PIK3C2G: variants seen among roughly 807,000 people sequenced by gnomAD.
PIK3C2G encodes phosphatidylinositol 3-kinase C2 domain-containing subunit gamma.
Under a neutral mutation model 181.1 loss-of-function variants are expected in PIK3C2G, and 168 were observed. The observed-to-expected ratio is 0.93, with a 90% CI of 0.82 to 1.05. The LOEUF (loss-of-function observed/expected upper bound fraction) is 1.05. PIK3C2G is among the 50% of genes least tolerant of loss of function. PIK3C2G has a pLI of 0.00. For synonymous variants in PIK3C2G, 573 were observed against 592.2 expected (o/e 0.97, Z 0.47); for missense variants, 1,869 against 1,732.8 (o/e 1.08, Z -1.40).
intron 24 of PIK3C2G, among the ~76,000 whole-genome samples, chr12:18,530,631 T>G (rs1471506085): frequency 6.6e-6 from 1 of 152,168 alleles, no homozygotes; most frequent in Non-Finnish European, 1.5e-5. Flanking sequence ...AATCTCACGT[T>G]GAATTGTAAT....
intron 1 of PIK3C2G, among the ~76,000 whole-genome samples, chr12:18,266,445 G>A (rs778808668): frequency 2.6e-5 from 4 of 152,058 alleles, no homozygotes; most frequent in African/African-American, 4.8e-5. Flanking sequence ...TCATTAATAC[G>A]GAGTAAATTT....
Position 18,558,259 on chromosome 12 carries a change from T to C in PIK3C2G, c.3591-4444T>C, listed in dbSNP as rs1001090156. ...TAAACAGTAAAGAAAAAAATGTCTT[T>C]GCAAGTTAAAAAATTGTTACATTAA... On this transcript the variant is annotated intron_variant, in intron 26 of 32. Transcript: ENST00000538779. Among the ~76,000 whole-genome samples, 4 of 152,292 alleles carry C rather than the reference T, an allele frequency of 2.6e-5. No homozygotes were observed. In the South Asian group the frequency reaches 8.3e-4, roughly 32 times the overall value.
At chr12:18,662,619 A>G in the PIK3C2G span, among the ~76,000 whole-genome samples, 2 of 152,146 alleles carry the variant, frequency 1.3e-5, no homozygotes, top group Non-Finnish European at 2.9e-5. Flanking sequence ...TTTCTACATT[A>G]TTTAAGATAT....
intron 32 of PIK3C2G, among the ~76,000 whole-genome samples, chr12:18,645,432 A>C (rs1950072843): frequency 6.6e-6 from 1 of 152,166 alleles, no homozygotes; most frequent in African/African-American, 2.4e-5. Context: ...CAGAGGGAAA[A>C]AATATATGAA....
chr12:18,281,039 C>A (rs1949191220), intron 1 of PIK3C2G, among the ~76,000 whole-genome samples: 1 of 151,688 alleles, frequency 6.6e-6, no homozygotes, highest in African/African-American at 2.4e-5. Flanking sequence ...GGAATAAGAG[C>A]AGATTCTTGG....
upstream of PIK3C2G, among the ~76,000 whole-genome samples, chr12:18,257,918 T>C (rs1400387953): frequency 1.3e-5 from 2 of 152,084 alleles, no homozygotes; most frequent in Non-Finnish European, 2.9e-5. Context: ...ATATACTCCT[T>C]GCTTGTACCT....
chr12:18,525,033 C>T (rs1023843623), intron 24 of PIK3C2G, among the ~76,000 whole-genome samples: 5 of 152,058 alleles, frequency 3.3e-5, no homozygotes, highest in African/African-American at 1.2e-4. Context: ...TTAGTTACAT[C>T]TCTGGGTAAT....
intron 1 of PIK3C2G, among the ~76,000 whole-genome samples, chr12:18,274,366 C>A (rs982455326): frequency 6.6e-6 from 1 of 152,084 alleles, no homozygotes; most frequent in Non-Finnish European, 1.5e-5. Context: ...ATGTTTATTG[C>A]GGCACTATTC....
chr12:18,252,355 A>C (rs1948103465), intron 1 of PIK3C2G, among the ~76,000 whole-genome samples: 1 of 152,278 alleles, frequency 6.6e-6, no homozygotes, highest in South Asian at 2.1e-4. Context: ...GCATAATCCA[A>C]CAAATCTATA....
intron 16 of PIK3C2G, among the ~76,000 whole-genome samples, chr12:18,402,648 T>C (rs977487739): frequency 3.3e-5 from 5 of 152,138 alleles, no homozygotes; most frequent in South Asian, 2.1e-4. Flanking sequence ...TCATGGAATA[T>C]TTTTTAGAAA....
In PIK3C2G at chr12:18,478,974, C is replaced by CA. The variant is rs1204943458; in HGVS notation, c.2505-9462dup. 1.6e-3 allele frequency among the ~76,000 whole-genome samples: 183 copies of CA among 117,572 alleles called. 1 individual carries two copies. Among genetic ancestry groups the CA allele is most frequent in the East Asian group, 0.013 (53 of 4,086 alleles). The allele number at this position is 117,572 out of a possible 152,430, so 77.1% of individuals were successfully genotyped here. On this transcript the variant is annotated intron_variant, in intron 18 of 32. Coordinates refer to ENST00000538779, the MANE Select transcript of PIK3C2G (RefSeq NM_001288772.2). Reference sequence around the variant, plus strand: ...TGGGTAACAGAGTGAGATCCTGTCTCAAAAAAAAAAAAATATATATATATA... The same window carrying CA: ...TGGGTAACAGAGTGAGATCCTGTCTCAAAAAAAAAAAAAATATATATATATA...
chr12:18,460,623 C>CATATATATATATATATATAT (rs144060852), intron 18 of PIK3C2G, among the ~76,000 whole-genome samples: 14 of 136,120 alleles, frequency 1.0e-4, no homozygotes, highest in African/African-American at 3.6e-4. Flanking sequence ...ACATCATATT[C>CATATATATATATATATATAT]ATATATATAT....
intron 32 of PIK3C2G, among the ~76,000 whole-genome samples, chr12:18,641,852 C>T (rs1565591753): frequency 6.7e-6 from 1 of 149,712 alleles, no homozygotes; most frequent in Admixed American, 6.8e-5. Flanking sequence ...CAGATTCAAG[C>T]AATTCTCCTG....
chr12:18,279,087 A>G lies in PIK3C2G; in HGVS notation c.-78-2917A>G, dbSNP rs569567981. On this transcript the variant is annotated intron_variant, in intron 1 of 32. Coordinates refer to ENST00000538779, the MANE Select transcript of PIK3C2G (RefSeq NM_001288772.2). ...CTTTTTAGTGGAGATAGTTCATTTGAGCGAATACTCTGTTCAGGGCCAAAA... is the reference window on the plus strand; with the variant it reads ...CTTTTTAGTGGAGATAGTTCATTTGGGCGAATACTCTGTTCAGGGCCAAAA... 6.6e-5 allele frequency among the ~76,000 whole-genome samples: 10 copies of G among 152,200 alleles called. No homozygotes were observed. The South Asian group carries it at 2.1e-3, about 32-fold the overall frequency.
At chr12:18,703,920 T>C in the PIK3C2G span, among the ~76,000 whole-genome samples, 2 of 152,358 alleles carry the variant, frequency 1.3e-5, no homozygotes, top group South Asian at 4.1e-4. Context: ...AATATTGTTA[T>C]GTCTAGCAAA....
At chr12:18,719,998 G>A in the PIK3C2G span, among the ~76,000 whole-genome samples, 4 of 152,006 alleles carry the variant, frequency 2.6e-5, no homozygotes, top group Admixed American at 6.6e-5. Flanking sequence ...GCCTGCCTCC[G>A]ACTAACTTCC....
At chr12:18,503,656 G>T (rs1941648075) in intron 23 of PIK3C2G, among the ~76,000 whole-genome samples, 1 of 151,480 alleles carries the variant, frequency 6.6e-6, no homozygotes, top group Non-Finnish European at 1.5e-5. Context: ...TTTTTGCTCA[G>T]CTGCCATCCT....
chr12:18,406,428 T>C (rs1460202689), intron 16 of PIK3C2G, among the ~76,000 whole-genome samples: 2 of 152,144 alleles, frequency 1.3e-5, no homozygotes, highest in Non-Finnish European at 2.9e-5. Flanking sequence ...ATTTTAATAG[T>C]GAAGTTAGAT....
intron 14 of PIK3C2G, among the ~76,000 whole-genome samples, chr12:18,383,726 A>C (rs969874742): frequency 1.3e-4 from 20 of 152,150 alleles, no homozygotes; most frequent in African/African-American, 4.8e-4. Context: ...AGTCATAAAA[A>C]GTAGTTCCAG....
Sources: allele counts gnomAD v4.1 joint callset (sites outside exome capture counted in the v4.1 genomes callset), GRCh38; gene constraint gnomAD v4.1.1; transcripts MANE v1.5; gene names NCBI Gene and HGNC (gene_info 2026-07-23, HGNC 2026-07-21).